VPS8: variants seen among roughly 807,000 people sequenced by gnomAD.
The protein encoded by VPS8 is VPS8 subunit of CORVET complex, also known as vacuolar protein sorting-associated protein 8 homolog.
A neutral mutation model predicts 216.4 loss-of-function variants in VPS8; 129 were observed. The observed-to-expected ratio is 0.60, with a 90% CI of 0.52 to 0.69. The LOEUF (loss-of-function observed/expected upper bound fraction) is 0.69, where lower values mean the gene tolerates loss of function less well. Ranked by LOEUF, VPS8 falls within the 30% of genes least tolerant of loss-of-function variation. The probability of loss-of-function intolerance (pLI) is 0.00; values close to 1 mark genes in which losing one functional copy is unlikely to be tolerated. For missense variants in VPS8, 1,531 were observed against 1,683.5 expected (o/e 0.91, Z 1.59); for synonymous variants, 571 against 565.4 (o/e 1.01, Z -0.14).
At chr3:185,010,679 T>G (rs1301331975) in intron 45 of VPS8, among the ~76,000 whole-genome samples, 3 of 151,470 alleles carry the variant, frequency 2.0e-5, no homozygotes, top group African/African-American at 7.3e-5. Context: ...CAATAAAAAC[T>G]ATCCCAAATC....
rs1330204167 is a variant in VPS8 at position 184,894,851 on chromosome 3, C to G, written c.1930C>G (p.Gln644Glu). The G allele has an allele frequency of 6.2e-7, 1 of 1,610,054 alleles. No homozygotes were observed. The highest frequency in any genetic ancestry group is 1.1e-5 in the South Asian group (1 of 90,312). The change falls in exon 23 of 48, where the codon CAA becomes GAA. Residue 644 changes from glutamine to glutamate, a missense_variant. Gln to Glu is a conservative substitution (Grantham distance 29). Coordinates refer to ENST00000625842, the MANE Select transcript of VPS8 (RefSeq NM_001009921.3). ...QVMKDLIVHF[Q>E]DKKLMENVEA... ...AATGAAAGACTTGATTGTTCATTTC[C>G]AAGATAAAAAATTAATGGAAAATGT...
At chr3:184,919,660 G>A (rs1738267445) in intron 28 of VPS8, among the ~76,000 whole-genome samples, 2 of 152,054 alleles carry the variant, frequency 1.3e-5, no homozygotes, top group Non-Finnish European at 2.9e-5. Flanking sequence ...TTTTAAAAAT[G>A]CCTATCTTTG....
intron 46 of VPS8, among the ~76,000 whole-genome samples, chr3:185,039,445 C>T (rs1005770898): frequency 6.6e-6 from 1 of 151,970 alleles, no homozygotes; most frequent in Non-Finnish European, 1.5e-5. Context: ...GGGGAGCCAA[C>T]ATGTCCAGAG....
intron 42 of VPS8, among the ~76,000 whole-genome samples, chr3:184,984,115 C>T: frequency 7.3e-6 from 1 of 137,476 alleles, no homozygotes; most frequent in South Asian, 2.5e-4. Context: ...ACCCGGGAGG[C>T]AGAGTTTGCA....
At chr3:184,898,675 G>A (rs1733951043) in intron 24 of VPS8, 21 bp downstream of exon 24, 2 of 1,507,466 alleles carry the variant, frequency 1.3e-6, no homozygotes, top group African/African-American at 2.8e-5. Flanking sequence ...TCCTAACTTG[G>A]ATACGTAATT....
intron 22 of VPS8, among the ~76,000 whole-genome samples, chr3:184,888,772 T>C (rs1339370524): frequency 6.6e-6 from 1 of 152,196 alleles, no homozygotes; most frequent in African/African-American, 2.4e-5. Context: ...CTAAATTTTA[T>C]TTAGAGTAAA....
chr3:184,963,102 A>G (rs1344960164), intron 37 of VPS8, among the ~76,000 whole-genome samples: 1 of 152,144 alleles, frequency 6.6e-6, no homozygotes, highest in Non-Finnish European at 1.5e-5. Flanking sequence ...TTATTTGGAA[A>G]AAGAATCCTC....
At chr3:185,030,431 T>C (rs1757958075) in intron 46 of VPS8, among the ~76,000 whole-genome samples, 1 of 152,152 alleles carries the variant, frequency 6.6e-6, no homozygotes, top group African/African-American at 2.4e-5. Flanking sequence ...GGCCAGGTGC[T>C]CTGGCTGAAG....
At chr3:184,946,371 T>G (rs1232248373) in intron 36 of VPS8, among the ~76,000 whole-genome samples, 1 of 152,244 alleles carries the variant, frequency 6.6e-6, no homozygotes, top group Non-Finnish European at 1.5e-5. Flanking sequence ...TAGCTTGGCC[T>G]GCGCCCAGGA....
chr3:184,989,403 G>A (rs1476728192), intron 42 of VPS8, among the ~76,000 whole-genome samples: 1 of 151,946 alleles, frequency 6.6e-6, no homozygotes, highest in Admixed American at 6.6e-5. Flanking sequence ...TTGATGTGGT[G>A]GATTACAGTA....
chr3:184,920,175 C>T lies in VPS8; in HGVS notation c.2431C>T (p.Arg811Ter), dbSNP rs1317479655. The T allele has an allele frequency of 2.6e-6, 4 of 1,518,412 alleles. No homozygotes were observed. Among genetic ancestry groups the T allele is most frequent in the Non-Finnish European group, 3.5e-6 (4 of 1,133,490 alleles). 94.1% of individuals were successfully genotyped at this position (1,518,412 alleles called of 1,614,324 possible). ...NDKQAVEYQQ[R>*]IVDILLKVMV... ...CAAGCAAGCTGTGGAATATCAACAG[C>T]GAATTGTGGATATTTTGTTGAAAGT... The change falls in exon 29 of 48, where the codon CGA becomes TGA. Residue 811 changes from arginine to a stop codon, truncating the protein, a stop_gained. Coordinates refer to ENST00000625842, the MANE Select transcript of VPS8 (RefSeq NM_001009921.3). LOFTEE classifies it high-confidence loss of function.
intron 46 of VPS8, among the ~76,000 whole-genome samples, chr3:185,042,848 G>C (rs1711988700): frequency 6.6e-6 from 1 of 152,192 alleles, no homozygotes; most frequent in African/African-American, 2.4e-5. Context: ...CCCCCAAGCT[G>C]TTGCCTTTCA....
intron 25 of VPS8, among the ~76,000 whole-genome samples, chr3:184,901,536 A>G (rs1734490199): frequency 6.6e-6 from 1 of 150,770 alleles, no homozygotes; most frequent in Non-Finnish European, 1.5e-5. Context: ...TTTTAGTTAA[A>G]CTTTCTGAGA....
At chr3:184,876,886 A>G (rs1729370017) in intron 21 of VPS8, among the ~76,000 whole-genome samples, 1 of 152,202 alleles carries the variant, frequency 6.6e-6, no homozygotes, top group African/African-American at 2.4e-5. Context: ...CACAGCAGCC[A>G]AAGAGAAATG....
intron 40 of VPS8, among the ~76,000 whole-genome samples, chr3:184,980,742 T>G (rs1208243258): frequency 6.6e-6 from 1 of 152,198 alleles, no homozygotes; most frequent in African/African-American, 2.4e-5. Context: ...TTCCTAAGAT[T>G]CATTGGATTT....
chr3:185,035,057 G>A (rs1758693724), intron 46 of VPS8, among the ~76,000 whole-genome samples: 1 of 152,076 alleles, frequency 6.6e-6, no homozygotes, highest in Non-Finnish European at 1.5e-5. Context: ...AGAATAGATT[G>A]TAACTCTGCA....
Position 184,849,984 on chromosome 3 carries a change from G to C in VPS8, c.715G>C (p.Asp239His), listed in dbSNP as rs1463409859. 2.5e-6 allele frequency: 4 copies of C among 1,613,262 alleles called. No homozygotes were observed. Among genetic ancestry groups the C allele is most frequent in the Non-Finnish European group, 3.4e-6 (4 of 1,179,674 alleles). The change falls in exon 10 of 48, where the codon GAT becomes CAT. Residue 239 changes from aspartate to histidine, a missense_variant. Coordinates refer to ENST00000625842, the MANE Select transcript of VPS8 (RefSeq NM_001009921.3). ...TGGAAAACTTCTAAGATCAATAACA[G>C]ATGCTCATCCTCCAGGAACAGCAAT... ...ASGKLLRSITDAHPPGTAILH... is the reference protein window; with the variant it reads ...ASGKLLRSITHAHPPGTAILH...
At chr3:184,980,268 G>A (rs114564554) in intron 40 of VPS8, among the ~76,000 whole-genome samples, 294 of 151,634 alleles carry the variant, frequency 1.9e-3, no homozygotes, top group African/African-American at 6.8e-3. Flanking sequence ...CATGTGTCTC[G>A]GTAATGGTCA....
At chr3:184,924,228 C>G (rs1457269331) in intron 29 of VPS8, among the ~76,000 whole-genome samples, 1 of 152,224 alleles carries the variant, frequency 6.6e-6, no homozygotes, top group Non-Finnish European at 1.5e-5. Flanking sequence ...TACCTTGACT[C>G]TCAGTTATCT....
Sources: allele counts gnomAD v4.1 joint callset (sites outside exome capture counted in the v4.1 genomes callset), GRCh38; gene constraint gnomAD v4.1.1; transcripts MANE v1.5; gene names NCBI Gene and HGNC (gene_info 2026-07-23, HGNC 2026-07-21).